The following SLC25A14 variants were observed in gnomAD, a reference collection of about 807,000 sequenced individuals.
SLC25A14 encodes the protein solute carrier family 25 member 14, also known as brain mitochondrial carrier protein 1.
SLC25A14 carries 8 observed loss-of-function variants against 28.1 expected under a neutral mutation model. The ratio of observed to expected loss-of-function variants is 0.28; its 90% CI spans 0.17 to 0.51. The LOEUF is 0.51. SLC25A14 is among the 20% of genes least tolerant of loss of function. SLC25A14 has a pLI of 0.97. For missense variants in SLC25A14, 135 were observed against 263.8 expected, an observed-to-expected ratio of 0.51 and a Z score of 3.38; for synonymous variants, 74 against 90.6, an observed-to-expected ratio of 0.82 and a Z score of 1.04.
chrX:130,340,582 T>C (rs2033221961), intron 2 of SLC25A14, among the ~76,000 whole-genome samples: 1 of 111,343 alleles, frequency 9.0e-6, no homozygotes, highest in African/African-American at 3.3e-5. Flanking sequence ...GTTGTTGTTG[T>C]TTTTCCCCCC....
intron 6 of SLC25A14, among the ~76,000 whole-genome samples, chrX:130,353,142 GT>G (rs751650637): frequency 1.1e-3 from 127 of 111,883 alleles, no homozygotes; most frequent in Non-Finnish European, 2.1e-3. Flanking sequence ...CTAGTCAGCT[GT>G]CCCAGTACCA....
At chrX:130,342,097 A>G (rs1480139067) in intron 2 of SLC25A14, among the ~76,000 whole-genome samples, 1 of 112,556 alleles carries the variant, frequency 8.9e-6, no homozygotes, top group Non-Finnish European at 1.9e-5. Flanking sequence ...GTACTGTGAG[A>G]TATAGTATCT....
At chrX:130,351,259 G>C (rs1435174535) in intron 6 of SLC25A14, among the ~76,000 whole-genome samples, 1 of 111,827 alleles carries the variant, frequency 8.9e-6, no homozygotes, top group Non-Finnish European at 1.9e-5. Flanking sequence ...GGGGTAAACT[G>C]AAATACAGTT....
chrX:130,370,900 C>T (rs1215039475), intron 9 of SLC25A14, among the ~76,000 whole-genome samples: 1 of 111,823 alleles, frequency 8.9e-6, no homozygotes, highest in African/African-American at 3.3e-5. Flanking sequence ...TTTCTGTGGG[C>T]CAGGGATTGC....
intron 6 of SLC25A14, among the ~76,000 whole-genome samples, chrX:130,354,734 A>C (rs2033737669): frequency 9.0e-6 from 1 of 111,554 alleles, no homozygotes; most frequent in East Asian, 2.8e-4. Flanking sequence ...TTTTTTATTT[A>C]TTGTCTATAA....
chrX:130,371,695 A>G (rs756383169), intron 10 of SLC25A14, 51 bp downstream of exon 10: 18 of 927,370 alleles, frequency 1.9e-5, no homozygotes, highest in Non-Finnish European at 2.8e-5. Flanking sequence ...AGATAATTCT[A>G]GGCTATGGGA....
chrX:130,367,590 A>C (rs1375160909), intron 9 of SLC25A14, among the ~76,000 whole-genome samples: 1 of 111,782 alleles, frequency 8.9e-6, no homozygotes, highest in Non-Finnish European at 1.9e-5. Context: ...TTGACCAAGG[A>C]GAGTAGGTAG....
chrX:130,361,755 G>A (rs2124765795), intron 7 of SLC25A14, among the ~76,000 whole-genome samples: 1 of 112,250 alleles, frequency 8.9e-6, no homozygotes, highest in African/African-American at 3.2e-5. Context: ...CTTAGCTCCA[G>A]CCCATTGCTG....
chrX:130,353,540 G>A (rs2033685477), intron 6 of SLC25A14, among the ~76,000 whole-genome samples: 1 of 111,725 alleles, frequency 9.0e-6, no homozygotes, highest in Non-Finnish European at 1.9e-5. Flanking sequence ...AAAAAAACCT[G>A]GTTACTCTAC....
At chrX:130,349,389 G>T (rs760427754) in intron 5 of SLC25A14, 44 bp downstream of exon 5, 1 of 850,230 alleles carries the variant, frequency 1.2e-6, no homozygotes. Context: ...CAAAGGGATT[G>T]TTGAAATCAT....
intron 3 of SLC25A14, among the ~76,000 whole-genome samples, chrX:130,346,069 A>G (rs1179999078): frequency 9.0e-6 from 1 of 111,145 alleles, no homozygotes; most frequent in African/African-American, 3.3e-5. Flanking sequence ...GTAAACAGAT[A>G]AAAGAAAAAC....
chrX:130,356,235 T>C (rs2033784868), intron 6 of SLC25A14, among the ~76,000 whole-genome samples: 1 of 90,618 alleles, frequency 1.1e-5, no homozygotes, highest in African/African-American at 4.2e-5. Flanking sequence ...TTTTTTTTTT[T>C]TTTTTTTTTG....
rs1435400629 is a variant in SLC25A14, at chrX:130,340,285, A to G, written c.7A>G (p.Ile3Val). 1 of 1,210,390 alleles carries G rather than the reference A, an allele frequency of 8.3e-7. No homozygotes were observed. Among genetic ancestry groups the G allele is most frequent in the South Asian group, 1.8e-5 (1 of 56,962 alleles). The change falls in exon 2 of 11, where the codon ATC (isoleucine) becomes GTC (valine). Residue 3 changes from isoleucine (I) to valine (V), a missense_variant. Transcript: ENST00000545805. MGIFPGIILIFLR... is the reference protein window; with the variant it reads MGVFPGIILIFLR... ...CCTGCTACCCAGAGGGTGAATGGGT[A>G]TCTTTCCCGGAATAATCCTAATTTT... is the stretch of plus-strand genomic sequence containing the variant.
chrX:130,340,364 A>G lies in SLC25A14; in HGVS notation c.75+11A>G, dbSNP rs751648459. 3 of 1,210,333 alleles carry G rather than the reference A, an allele frequency of 2.5e-6. No individual in the cohort carries two copies. The Admixed American group carries it at 6.5e-5, about 26-fold the overall frequency. On this transcript the variant is annotated intron_variant, in intron 2 of 10. Transcript: ENST00000545805. Reference sequence around the variant, plus strand: ...GTGATTGTAAGCGGAGTAAGCAAACACCTCCATTGTATTAGTGTAAGGGAT... The same window carrying G: ...GTGATTGTAAGCGGAGTAAGCAAACGCCTCCATTGTATTAGTGTAAGGGAT...
intron 4 of SLC25A14, among the ~76,000 whole-genome samples, chrX:130,348,944 C>A (rs2033540701): frequency 9.2e-6 from 1 of 108,402 alleles, no homozygotes; most frequent in African/African-American, 3.4e-5. Context: ...TTGGTCTGAC[C>A]AATAGATTAT....
intron 3 of SLC25A14, among the ~76,000 whole-genome samples, chrX:130,346,084 C>T (rs898051286): frequency 4.5e-5 from 5 of 110,729 alleles, no homozygotes; most frequent in African/African-American, 1.6e-4. Flanking sequence ...AAAAACCCCA[C>T]AAAACTTTGT....
intron 7 of SLC25A14, among the ~76,000 whole-genome samples, chrX:130,361,103 T>A (rs891254055): frequency 2.0e-4 from 23 of 112,695 alleles, no homozygotes; most frequent in African/African-American, 7.1e-4. Flanking sequence ...TGGTAGCATG[T>A]GTCAGAATTT....
chrX:130,355,093 G>A (rs1209652775), intron 6 of SLC25A14, among the ~76,000 whole-genome samples: 2 of 112,345 alleles, frequency 1.8e-5, no homozygotes, highest in Non-Finnish European at 3.8e-5. Flanking sequence ...AAAGCAGAAG[G>A]GCAGAAACAT....
chrX:130,371,486 CTG>C, intron 9 of SLC25A14, 76 bp from the exon 10 acceptor site: 1 of 697,809 alleles, frequency 1.4e-6, no homozygotes, highest in East Asian at 3.2e-5. Flanking sequence ...ATAAGTTGCC[CTG>C]GGGTGGGAGT....
Sources: gnomAD v4.1 joint callset for allele counts (sites outside exome capture counted in the v4.1 genomes callset) on GRCh38, gnomAD v4.1.1 for gene constraint, MANE v1.5 for transcripts, NCBI Gene and HGNC (gene_info 2026-07-23, HGNC 2026-07-21) for gene names.